NEK11: variants seen among roughly 807,000 people sequenced by gnomAD.
The protein encoded by NEK11 is NIMA related kinase 11.
In NEK11, 72 loss-of-function variants were observed where a neutral mutation model predicts 80.7. The observed-to-expected ratio is 0.89, with a 90% confidence interval of 0.74 to 1.08. The LOEUF (loss-of-function observed/expected upper bound fraction) is 1.08, where lower values mean the gene tolerates loss of function less well. Among genes scored for constraint, NEK11 ranks in the 50% least tolerant of loss-of-function variants. NEK11 has a pLI of 0.00. For synonymous variants in NEK11, 251 were observed against 260.7 expected (o/e 0.96, Z 0.36); for missense variants, 764 against 763.6 (o/e 1.00, Z -0.01).
chr3:131,089,646 C>T (rs2076458235), intron 4 of NEK11, among the ~76,000 whole-genome samples: 1 of 152,082 alleles, frequency 6.6e-6, no homozygotes, highest in African/African-American at 2.4e-5. Context: ...ATCATGTTGG[C>T]CAGGCTGGTC....
At chr3:131,199,604 T>G (rs2094153491) in intron 14 of NEK11, among the ~76,000 whole-genome samples, 1 of 152,002 alleles carries the variant, frequency 6.6e-6, no homozygotes, top group African/African-American at 2.4e-5. Flanking sequence ...TTTTTTTTTT[T>G]AAGTCCCTAA....
chr3:131,053,167 A>C (rs2068731907), intron 3 of NEK11: 1 of 152,242 alleles, frequency 6.6e-6, no homozygotes, highest in South Asian at 2.1e-4. Context: ...GGGAAATAAG[A>C]ATAAAAGTCA....
intron 3 of NEK11, among the ~76,000 whole-genome samples, chr3:131,045,102 G>T (rs1414959293): frequency 6.6e-6 from 1 of 152,150 alleles, no homozygotes; most frequent in Non-Finnish European, 1.5e-5. Flanking sequence ...CAGAATCTCT[G>T]GGACACAGCT....
chr3:131,057,972 G>A (rs1174239506), intron 3 of NEK11, among the ~76,000 whole-genome samples: 2 of 152,186 alleles, frequency 1.3e-5, no homozygotes, highest in Admixed American at 1.3e-4. Context: ...CCATGCCTAT[G>A]TCCTGAATGG....
intron 4 of NEK11, among the ~76,000 whole-genome samples, chr3:131,105,635 T>C (rs536113598): frequency 6.6e-6 from 1 of 152,262 alleles, no homozygotes; most frequent in African/African-American, 2.4e-5. Flanking sequence ...GCAGGGGAAA[T>C]GCTAGATGCT....
intron 14 of NEK11, among the ~76,000 whole-genome samples, chr3:131,196,558 G>A (rs1368067863): frequency 1.3e-5 from 2 of 151,000 alleles, no homozygotes; most frequent in African/African-American, 2.4e-5. Context: ...TTTTGAGACA[G>A]TGTCTCACTC....
chr3:131,294,966 T>C (rs2096578354), intron 17 of NEK11, among the ~76,000 whole-genome samples: 1 of 152,204 alleles, frequency 6.6e-6, no homozygotes, highest in South Asian at 2.1e-4. Flanking sequence ...TGTGTCTTTA[T>C]ATTTAAAGTG....
chr3:131,060,053 C>T (rs759263489), intron 3 of NEK11, among the ~76,000 whole-genome samples: 3 of 152,182 alleles, frequency 2.0e-5, no homozygotes, highest in African/African-American at 4.8e-5. Context: ...CTCTTTTAAG[C>T]ACTGGGCCCT....
chr3:131,162,467 C>T lies in NEK11; in HGVS notation c.1022C>T (p.Pro341Leu), dbSNP rs772478508. 1.3e-5 allele frequency: 21 copies of T among 1,614,030 alleles called. No homozygotes were observed. Among genetic ancestry groups the T allele is most frequent in the Non-Finnish European group, 1.5e-5 (18 of 1,179,964 alleles). The change falls in exon 11 of 18, where the codon CCA becomes CTA. Residue 341 changes from proline (P) to leucine (L), a missense_variant. Transcript: ENST00000383366. ...CTGTCAGAAGTACAGAAAATGACGC[C>T]AAGAGAAAGGATGCGGCTGAGGAAG... Reference protein sequence around the residue: ...RALSEVQKMTPRERMRLRKLQ... With the variant: ...RALSEVQKMTLRERMRLRKLQ...
At chr3:131,339,304 GCT>G (rs1258708657) in intron 17 of NEK11, among the ~76,000 whole-genome samples, 5 of 152,154 alleles carry the variant, frequency 3.3e-5, no homozygotes, top group African/African-American at 9.6e-5. Flanking sequence ...GTCTTCCTGA[GCT>G]CTCACTTATA....
chr3:131,075,594 G>A (rs1279783007), intron 3 of NEK11, among the ~76,000 whole-genome samples: 1 of 152,122 alleles, frequency 6.6e-6, no homozygotes, highest in Non-Finnish European at 1.5e-5. Context: ...AAAACAGGAT[G>A]TTTTCCACCA....
chr3:131,349,029 C>T lies in NEK11; in HGVS notation c.1719-528C>T, dbSNP rs565664898. ...CACCATCCTGTTTCCCTTTGTTCTA[C>T]TAACTCCAGCCACAATAGCTTTCTT... On this transcript the variant is annotated intron_variant, in intron 17 of 17. Coordinates refer to ENST00000383366, the MANE Select transcript of NEK11 (RefSeq NM_024800.5). Among the ~76,000 whole-genome samples, 4 of 152,170 alleles carry T rather than the reference C, an allele frequency of 2.6e-5. No homozygotes were observed. In the East Asian group the frequency reaches 7.7e-4, roughly 29 times the overall value.
chr3:131,343,386 G>A (rs1357401193), intron 17 of NEK11, among the ~76,000 whole-genome samples: 1 of 152,204 alleles, frequency 6.6e-6, no homozygotes, highest in Non-Finnish European at 1.5e-5. Context: ...AGGAGGCCAA[G>A]TATATAGTTA....
chr3:131,273,924 G>A (rs1385668279), intron 17 of NEK11, among the ~76,000 whole-genome samples: 1 of 151,592 alleles, frequency 6.6e-6, no homozygotes, highest in East Asian at 1.9e-4. Flanking sequence ...TATACTTATT[G>A]TTTTCTAGCC....
intron 11 of NEK11, among the ~76,000 whole-genome samples, chr3:131,164,445 G>A (rs1372669960): frequency 6.6e-6 from 1 of 152,156 alleles, no homozygotes; most frequent in African/African-American, 2.4e-5. Context: ...CATTGCATCA[G>A]CTCACAGCCC....
intron 4 of NEK11, among the ~76,000 whole-genome samples, chr3:131,083,026 G>A (rs775601263): frequency 6.6e-6 from 1 of 152,156 alleles, no homozygotes; most frequent in South Asian, 2.1e-4. Flanking sequence ...CCCCAGACCA[G>A]TATCATCAGC....
At chr3:131,215,059 C>T (rs1380690836) in intron 14 of NEK11, among the ~76,000 whole-genome samples, 2 of 152,034 alleles carry the variant, frequency 1.3e-5, no homozygotes, top group African/African-American at 4.8e-5. Flanking sequence ...GATGTGCACC[C>T]CCATCCTAAG....
At chr3:131,118,107 G>GTA (rs1325535114) in intron 5 of NEK11, among the ~76,000 whole-genome samples, 1 of 151,996 alleles carries the variant, frequency 6.6e-6, no homozygotes, top group Non-Finnish European at 1.5e-5. Context: ...ATTGGCTGTG[G>GTA]GTTTGTCCTA....
chr3:131,161,848 TA>T (rs1005321197), intron 10 of NEK11, among the ~76,000 whole-genome samples: 3 of 152,156 alleles, frequency 2.0e-5, no homozygotes, highest in Non-Finnish European at 4.4e-5. Flanking sequence ...AGTTAAAAAA[TA>T]AAAAAATAAG....
Sources: allele counts gnomAD v4.1 joint callset (sites outside exome capture counted in the v4.1 genomes callset), GRCh38; gene constraint gnomAD v4.1.1; transcripts MANE v1.5; gene names NCBI Gene and HGNC (gene_info 2026-07-23, HGNC 2026-07-21).